TMA16: variants seen among roughly 807,000 people sequenced by gnomAD.
TMA16 encodes translation machinery associated 16 homolog.
A neutral mutation model predicts 27.1 loss-of-function variants in TMA16; 26 were observed. The observed-to-expected ratio is 0.96, with a 90% CI of 0.70 to 1.33. TMA16 has a LOEUF of 1.33. Ranked by LOEUF, TMA16 falls within the 40% of genes most tolerant of loss-of-function variation. The pLI is 0.00. For synonymous variants in TMA16, 71 were observed against 81.9 expected (o/e 0.87, Z 0.72); for missense variants, 233 against 241.4 (o/e 0.97, Z 0.23).
Position 163,514,164 on chromosome 4 carries a change from C to A in TMA16, c.239+6C>A. On this transcript the variant is annotated splice_donor_region_variant and intron_variant, in intron 4 of 6. Coordinates refer to ENST00000358572, the MANE Select transcript of TMA16 (RefSeq NM_018352.3). ...GCTTGTGAACTAATTGAAAGGTAAA[C>A]ACTGGGCATATTATGAGCAAAGGGT... The A allele has an allele frequency of 1.3e-6, 2 of 1,597,926 alleles. No homozygotes were observed. The highest frequency in any genetic ancestry group is 1.7e-4 in the Middle Eastern group (1 of 6,004).
chr4:163,506,289 CCTA>C (rs1737717738), intron 1 of TMA16, among the ~76,000 whole-genome samples: 1 of 152,044 alleles, frequency 6.6e-6, no homozygotes, highest in African/African-American at 2.4e-5. Flanking sequence ...ACCTTCAGCT[CCTA>C]CTTTTAACAA....
At chr4:163,512,974 T>A (rs1409493588) in intron 3 of TMA16, 115 bp downstream of exon 3, 1 of 703,608 alleles carries the variant, frequency 1.4e-6, no homozygotes, top group Non-Finnish European at 2.3e-6. Flanking sequence ...GTGAATTTGA[T>A]CAGACTTGAT....
Position 163,519,956 on chromosome 4 carries a change from A to C in TMA16, c.*442A>C, listed in dbSNP as rs1335438587. ...TATCACACTAATGCTTCTTTTAAAC[A>C]TTAAACCTATTTTCCTTTTTTACAG... On this transcript the variant is annotated 3_prime_UTR_variant, in exon 7 of 7. Coordinates refer to ENST00000358572, the MANE Select transcript of TMA16 (RefSeq NM_018352.3). The C allele has an allele frequency of 1.7e-6, 1 of 595,602 alleles. No individual in the cohort carries two copies. The highest frequency in any genetic ancestry group is 1.9e-5 in the African/African-American group (1 of 52,888). 36.9% of individuals were successfully genotyped at this position (595,602 alleles called of 1,614,324 possible).
intron 2 of TMA16, chr4:163,512,543 A>G (rs1169021016): frequency 3.5e-6 from 1 of 286,370 alleles, no homozygotes; most frequent in East Asian, 6.1e-5. Flanking sequence ...GAATGTTCAC[A>G]ATTCAGAAAA....
intron 5 of TMA16, chr4:163,517,167 G>T: frequency 2.6e-6 from 1 of 378,806 alleles, no homozygotes; most frequent in Admixed American, 4.5e-5. Flanking sequence ...CTTCCAAAGT[G>T]CTGGGATTAC....
chr4:163,509,173 G>A (rs1288623404), intron 2 of TMA16, among the ~76,000 whole-genome samples: 2 of 152,126 alleles, frequency 1.3e-5, no homozygotes, highest in African/African-American at 2.4e-5. Flanking sequence ...TTGAGTAGCA[G>A]CATCAGTAAC....
intron 1 of TMA16, among the ~76,000 whole-genome samples, chr4:163,498,421 G>A (rs1737594690): frequency 6.6e-6 from 1 of 151,446 alleles, no homozygotes. Flanking sequence ...CCGAGTAGCT[G>A]GGACTACAGG....
At chr4:163,501,929 C>T (rs1737655372) in intron 1 of TMA16, among the ~76,000 whole-genome samples, 1 of 152,172 alleles carries the variant, frequency 6.6e-6, no homozygotes, top group South Asian at 2.1e-4. Context: ...CTAGCCAGCA[C>T]TTACTAAGTT....
intron 6 of TMA16, among the ~76,000 whole-genome samples, 154 bp from the exon 7 acceptor site, chr4:163,519,180 C>G (rs945713077): frequency 6.6e-6 from 1 of 152,066 alleles, no homozygotes; most frequent in African/African-American, 2.4e-5. Flanking sequence ...AATAGAACAG[C>G]TTTCTAGTAA....
At chr4:163,505,978 T>C (rs906943768) in intron 1 of TMA16, among the ~76,000 whole-genome samples, 1 of 152,220 alleles carries the variant, frequency 6.6e-6, no homozygotes, top group African/African-American at 2.4e-5. Context: ...ATGTATTCTT[T>C]CTGTTTTTCT....
chr4:163,512,593 C>A, intron 2 of TMA16: 1 of 417,392 alleles, frequency 2.4e-6, no homozygotes, highest in Non-Finnish European at 4.4e-6. Flanking sequence ...GTTCTATAGG[C>A]TTCCTTTAGA....
intron 4 of TMA16, among the ~76,000 whole-genome samples, chr4:163,515,101 G>T (rs1352777124): frequency 1.3e-5 from 2 of 152,090 alleles, no homozygotes; most frequent in African/African-American, 4.8e-5. Flanking sequence ...AGGGTCTGCA[G>T]TTTGATAGAA....
intron 2 of TMA16, among the ~76,000 whole-genome samples, chr4:163,508,194 C>T (rs1737744007): frequency 6.6e-6 from 1 of 152,040 alleles, no homozygotes; most frequent in South Asian, 2.1e-4. Context: ...TGTGATTTTG[C>T]AGTTTCTGCT....
chr4:163,511,385 AT>A (rs1277798064), intron 2 of TMA16, among the ~76,000 whole-genome samples: 4 of 152,000 alleles, frequency 2.6e-5, no homozygotes, highest in Non-Finnish European at 5.9e-5. Flanking sequence ...ATCTGTCCGA[AT>A]CTTTTGCCTT....
chr4:163,513,971 T>C, intron 3 of TMA16, 103 bp from the exon 4 acceptor site: 1 of 764,716 alleles, frequency 1.3e-6, no homozygotes, highest in East Asian at 2.9e-5. Context: ...GACATAAATT[T>C]TGGTTCTGTT....
chr4:163,505,967 A>G (rs1737713763), intron 1 of TMA16, among the ~76,000 whole-genome samples: 1 of 152,278 alleles, frequency 6.6e-6, no homozygotes, highest in African/African-American at 2.4e-5. Flanking sequence ...GCTGTCCCCT[A>G]ATGTATTCTT....
chr4:163,497,170 G>T (rs904264710), intron 1 of TMA16, among the ~76,000 whole-genome samples: 1 of 152,170 alleles, frequency 6.6e-6, no homozygotes, highest in Non-Finnish European at 1.5e-5. Flanking sequence ...GGTAGAGATT[G>T]TGTGTTTTGG....
At chr4:163,499,186 T>C (rs890788249) in intron 1 of TMA16, among the ~76,000 whole-genome samples, 2 of 152,206 alleles carry the variant, frequency 1.3e-5, no homozygotes, top group African/African-American at 4.8e-5. Context: ...TGTATATATC[T>C]TTTGCTGATC....
chr4:163,498,286 A>ATTTT (rs10608478), intron 1 of TMA16, among the ~76,000 whole-genome samples: 2 of 125,694 alleles, frequency 1.6e-5, no homozygotes, highest in African/African-American at 2.9e-5. Context: ...TGGTTAAAAG[A>ATTTT]TTTTTTTTTT....
Sources: allele counts gnomAD v4.1 joint callset (sites outside exome capture counted in the v4.1 genomes callset), GRCh38; gene constraint gnomAD v4.1.1; transcripts MANE v1.5; gene names NCBI Gene and HGNC (gene_info 2026-07-23, HGNC 2026-07-21).